Variants in LRRC37A3 observed in about 807,000 individuals in gnomAD.
LRRC37A3 encodes leucine rich repeat containing 37 member A3.
Under a neutral mutation model 106.2 loss-of-function variants are expected in LRRC37A3, and 25 were observed. The ratio of observed to expected loss-of-function variants is 0.24; its 90% CI spans 0.17 to 0.33. The LOEUF is 0.33. LRRC37A3 is among the 10% of genes least tolerant of loss of function. LRRC37A3 has a pLI of 1.00. For synonymous variants in LRRC37A3, 305 were observed against 635.8 expected (o/e 0.48, Z 7.83); for missense variants, 712 against 1,644.9 (o/e 0.43, Z 9.81).
At position 64,880,340 on chromosome 17, in the gene LRRC37A3, G is replaced by A. The variant is rs541368467; in HGVS notation, c.2906+5746C>T. Among the ~76,000 whole-genome samples the A allele has an allele frequency of 2.6e-5, 4 of 152,220 alleles. No homozygotes were observed. The East Asian group carries it at 7.7e-4, about 29-fold the overall frequency. ...TAAAAGTCTTTTTGTAGAGATTGGG[G>A]TCTCACTTTGTTGCCCAGGCTGAAC... On this transcript the variant is annotated intron_variant, in intron 8 of 14. Transcript: ENST00000584306.
At chr17:64,919,277 G>A (rs1295979562) in intron 1 of LRRC37A3, among the ~76,000 whole-genome samples, 154 bp downstream of exon 1, 1 of 152,194 alleles carries the variant, frequency 6.6e-6, no homozygotes, top group Non-Finnish European at 1.5e-5. Flanking sequence ...CGAGGCGGAG[G>A]GAGAAGGGAA....
intron 2 of LRRC37A3, among the ~76,000 whole-genome samples, chr17:64,916,073 T>G (rs1974694397): frequency 6.6e-6 from 1 of 151,610 alleles, no homozygotes; most frequent in Admixed American, 6.6e-5. Context: ...ATCATGCCAC[T>G]GCACTCCAGC....
chr17:64,872,873 G>A (rs1337564804), intron 8 of LRRC37A3, among the ~76,000 whole-genome samples: 1 of 151,980 alleles, frequency 6.6e-6, no homozygotes, highest in Non-Finnish European at 1.5e-5. Context: ...TTCTGCACAA[G>A]CAAGAAGTGA....
chr17:64,855,700 G>A, intron 14 of LRRC37A3, 140 bp downstream of exon 14: 1 of 1,338,854 alleles, frequency 7.5e-7, no homozygotes, highest in Non-Finnish European at 1.0e-6. Context: ...TACTCGGGAG[G>A]CTGAGGCAGG....
chr17:64,875,525 A>G (rs1295909707), intron 8 of LRRC37A3, among the ~76,000 whole-genome samples: 4 of 152,246 alleles, frequency 2.6e-5, no homozygotes, highest in Admixed American at 6.5e-5. Flanking sequence ...GCAGTGGCTC[A>G]GGCCTGTAAT....
In LRRC37A3 at chr17:64,860,171, T is replaced by G; in HGVS notation, c.3975A>C (p.Pro1325=). 6.2e-7 allele frequency: 1 copy of G among 1,614,012 alleles called. No individual in the cohort carries two copies. The highest frequency in any genetic ancestry group is 1.3e-5 in the African/African-American group (1 of 75,052). Residue 1325 remains proline, a synonymous_variant, in exon 12 of 15, where the codon CCA becomes CCC. Coordinates refer to ENST00000584306, the MANE Select transcript of LRRC37A3 (RefSeq NM_199340.5). The part of the protein sequence containing the change: ...THRTPKVKKS[P]KVRKKSYLSR... ...TCAGATAACTTTTCTTTCTGACCTTTGGACTCTTTTTGACCTTGGGTGTTC... is the reference window on the plus strand; with the variant it reads ...TCAGATAACTTTTCTTTCTGACCTTGGGACTCTTTTTGACCTTGGGTGTTC...
In LRRC37A3 at chr17:64,868,536, T is replaced by A; in HGVS notation, c.2979A>T (p.Leu993=). The A allele has an allele frequency of 1.9e-6, 3 of 1,608,392 alleles. No individual in the cohort carries two copies. Among genetic ancestry groups the A allele is most frequent in the Non-Finnish European group, 8.5e-7 (1 of 1,177,160 alleles). Residue 993 remains leucine, a splice_region_variant and synonymous_variant, in exon 10 of 15, where the codon CTA becomes CTT. Coordinates refer to ENST00000584306, the MANE Select transcript of LRRC37A3 (RefSeq NM_199340.5). ...GTGGGACTAGCGTTGTTCCCATGTC[T>A]CTGAAGAAGAAAGCCGAAACATTCA... ...YLFKLPALKY[L]DMGTTLVPLT... is the part of the protein sequence containing the mutation.
Position 64,860,278 on chromosome 17 carries a change from T to C in LRRC37A3, c.3868A>G (p.Thr1290Ala), listed in dbSNP as rs1972823271. The stretch of plus-strand genomic sequence containing the variant: ...ATGGGTTTAGATGTCTTCATATTTG[T>C]AACTCTAGCCTTTGCACTTTCTAAA... ...SILESAKARV[T>A]NMKTSKPIVH... is the part of the protein sequence containing the mutation. Residue 1290 changes from threonine (T) to alanine (A), a missense_variant, in exon 12 of 15, where the codon ACA becomes GCA. Physicochemically the swap from Thr to Ala is moderately conservative, Grantham distance 58. Transcript: ENST00000584306. 6.2e-7 allele frequency: 1 copy of C among 1,613,910 alleles called. No individual in the cohort carries two copies. Among genetic ancestry groups the C allele is most frequent in the Non-Finnish European group, 8.5e-7 (1 of 1,179,890 alleles).
intron 2 of LRRC37A3, among the ~76,000 whole-genome samples, chr17:64,915,578 A>G (rs1388206323): frequency 1.3e-5 from 2 of 152,266 alleles, no homozygotes; most frequent in Admixed American, 6.5e-5. Flanking sequence ...TTACAGAAAA[A>G]GTCTGGCAAG....
intron 10 of LRRC37A3, among the ~76,000 whole-genome samples, chr17:64,865,609 T>C (rs1250467215): frequency 6.6e-6 from 1 of 152,236 alleles, no homozygotes; most frequent in East Asian, 1.9e-4. Flanking sequence ...CGTGTGTGTA[T>C]GTCTATACAT....
At chr17:64,857,342 A>G (rs552988591) in intron 13 of LRRC37A3, among the ~76,000 whole-genome samples, 1 of 152,278 alleles carries the variant, frequency 6.6e-6, no homozygotes, top group East Asian at 1.9e-4. Context: ...TAAGATCTAT[A>G]TATGGAAACA....
chr17:64,896,655 C>T lies in LRRC37A3; in HGVS notation c.603G>A (p.Val201=), dbSNP rs1265370822. 4 of 1,577,012 alleles carry T rather than the reference C, an allele frequency of 2.5e-6. No individual in the cohort carries two copies. The highest frequency in any genetic ancestry group is 4.5e-5 in the East Asian group (2 of 44,506). The change falls in exon 4 of 15, where the codon GTG becomes GTA. Residue 201 remains valine (V), a synonymous_variant. Coordinates refer to ENST00000584306, the MANE Select transcript of LRRC37A3 (RefSeq NM_199340.5). ...AGGGCCCTGGAGGCTCATCTGACTT[C>T]ACCCGGAGTTCTGGAGGCAGGCTAC... ...YPGSLPPELR[V]KSDEPPGPSE... is the part of the protein sequence containing the mutation.
intron 4 of LRRC37A3, among the ~76,000 whole-genome samples, chr17:64,893,655 T>C (rs1974029156): frequency 7.3e-6 from 1 of 137,158 alleles, no homozygotes; most frequent in South Asian, 2.3e-4. Context: ...ATCATTTTTT[T>C]TTTTTTTTTT....
chr17:64,856,548 G>T (rs1972684048), intron 13 of LRRC37A3, among the ~76,000 whole-genome samples: 2 of 151,142 alleles, frequency 1.3e-5, no homozygotes, highest in Admixed American at 6.6e-5. Flanking sequence ...TTGTTATATT[G>T]TACTTTCTGT....
At chr17:64,899,128 T>C (rs369034393) in intron 2 of LRRC37A3, 2 of 137,034 alleles carry the variant, frequency 1.5e-5, no homozygotes, top group African/African-American at 3.2e-5. Flanking sequence ...GTGTAAAAGA[T>C]AAAAATGGGG....
At chr17:64,877,907 T>C (rs1407299750) in intron 8 of LRRC37A3, among the ~76,000 whole-genome samples, 3 of 152,034 alleles carry the variant, frequency 2.0e-5, no homozygotes, top group African/African-American at 7.2e-5. Flanking sequence ...TACGTGGAAA[T>C]AATGTTTTTT....
intron 8 of LRRC37A3, 132 bp from the exon 9 acceptor site, chr17:64,869,298 A>ATG (rs1973223792): frequency 6.9e-7 from 1 of 1,456,860 alleles, no homozygotes; most frequent in African/African-American, 1.4e-5. Context: ...TTACCTAAGA[A>ATG]ATCACCATTA....
rs150615903 is a variant in LRRC37A3 at position 64,860,208 on chromosome 17, C to T, written c.3938G>A (p.Arg1313His). The T allele has an allele frequency of 4.2e-5, 67 of 1,613,914 alleles. No individual in the cohort carries two copies. The African/African-American group carries it at 4.9e-4, about 12-fold the overall frequency. Reference sequence around the variant, plus strand: ...GACCTTGGGTGTTCTGTGGGTCATGCGGGAGCGAGTTTTGTGAAAGCGGTA... The same window carrying T: ...GACCTTGGGTGTTCTGTGGGTCATGTGGGAGCGAGTTTTGTGAAAGCGGTA... ...KKYRFHKTRS[R>H]MTHRTPKVKK... The change falls in exon 12 of 15, where the codon CGC becomes CAC. Residue 1313 changes from arginine to histidine, a missense_variant. Transcript: ENST00000584306.
intron 14 of LRRC37A3, 31 bp from the exon 15 acceptor site, chr17:64,854,675 G>C (rs759021479): frequency 6.2e-7 from 1 of 1,612,782 alleles, no homozygotes; most frequent in Admixed American, 1.7e-5. Context: ...CCAAGGTTTT[G>C]ATTCTTGAAA....
Sources: gnomAD v4.1 joint callset for allele counts (sites outside exome capture counted in the v4.1 genomes callset) on GRCh38, gnomAD v4.1.1 for gene constraint, MANE v1.5 for transcripts, NCBI Gene and HGNC (gene_info 2026-07-23, HGNC 2026-07-21) for gene names.